The following ASMTL variants were observed in gnomAD, a reference collection of about 807,000 sequenced individuals.
ASMTL encodes probable bifunctional dTTP/UTP pyrophosphatase/methyltransferase protein.
ASMTL carries 57 observed loss-of-function variants against 60.3 expected under a neutral mutation model. The ratio of observed to expected loss-of-function variants is 0.95; its 90% confidence interval spans 0.76 to 1.18. The LOEUF is 1.18. ASMTL is among the 50% of genes most tolerant of loss of function. The probability of loss-of-function intolerance (pLI) is 0.00; values close to 1 mark genes in which losing one functional copy is unlikely to be tolerated. For missense variants in ASMTL, 981 were observed against 852.6 expected, an observed-to-expected ratio of 1.15 and a Z score of -1.88; for synonymous variants, 419 against 373.0, an observed-to-expected ratio of 1.12 and a Z score of -1.42.
intron 12 of ASMTL, among the ~76,000 whole-genome samples, chrX:1,404,010 C>T (rs758214135): frequency 3.1e-5 from 4 of 127,276 alleles, no homozygotes; most frequent in African/African-American, 1.2e-4. Context: ...ATAGATGGTA[C>T]ATGATGGGCA....
chrX:1,429,183 C>T (rs1431932010), intron 6 of ASMTL, among the ~76,000 whole-genome samples: 2 of 151,544 alleles, frequency 1.3e-5, no homozygotes, highest in African/African-American at 4.8e-5. Context: ...GTGTGAACCA[C>T]CACGTCTGGC....
intron 12 of ASMTL, among the ~76,000 whole-genome samples, chrX:1,410,479 A>C (rs2089968685): frequency 6.6e-6 from 1 of 150,508 alleles, no homozygotes; most frequent in Non-Finnish European, 1.5e-5. Flanking sequence ...CAGTGGCGCG[A>C]TCTCTGCTCA....
intron 12 of ASMTL, among the ~76,000 whole-genome samples, chrX:1,410,282 G>T (rs1178147769): frequency 2.7e-4 from 33 of 120,550 alleles, no homozygotes; most frequent in African/African-American, 1.0e-3. Context: ...GCCAAATGCT[G>T]GTACTCCCAA....
intron 1 of ASMTL, among the ~76,000 whole-genome samples, chrX:1,445,477 A>G (rs141396562): frequency 0.016 from 2,502 of 152,198 alleles, 30 homozygotes; most frequent in South Asian, 0.047. Context: ...ATGACAGCAG[A>G]TGGCCCGAAC....
Position 1,428,026 on chromosome X carries a change from T to G in ASMTL, c.605A>C (p.Asn202Thr), listed in dbSNP as rs1282382803. Reference protein sequence around the residue: ...DFLNVVGFPLNHFCKQLVKLY... With the variant: ...DFLNVVGFPLTHFCKQLVKLY... The stretch of plus-strand genomic sequence containing the variant: ...CTTCACCAGCTGCTTGCAGAAGTGG[T>G]TCAGCGGGAATCCCACCACGTTCAG... Residue 202 changes from asparagine to threonine, a missense_variant, in exon 7 of 13, where the codon AAC (asparagine) becomes ACC (threonine). Coordinates refer to ENST00000381317, the MANE Select transcript of ASMTL (RefSeq NM_004192.4). 6.2e-7 allele frequency: 1 copy of G among 1,613,558 alleles called. No individual in the cohort carries two copies. The highest frequency in any genetic ancestry group is 1.7e-5 in the Admixed American group (1 of 60,002).
At chrX:1,412,640 G>C in intron 12 of ASMTL, 92 bp downstream of exon 12, 1 of 1,565,406 alleles carries the variant, frequency 6.4e-7, no homozygotes, top group Non-Finnish European at 8.8e-7. Flanking sequence ...TGGGATGACA[G>C]GCGTGAGCCA....
At chrX:1,435,648 T>C in intron 4 of ASMTL, 46 bp downstream of exon 4, 3 of 1,596,402 alleles carry the variant, frequency 1.9e-6, no homozygotes, top group Non-Finnish European at 2.6e-6. Context: ...ACAGCTACTC[T>C]GTGGCTCAGA....
chrX:1,442,325 A>T lies in ASMTL; in HGVS notation c.94-8T>A. 1.2e-6 allele frequency: 2 copies of T among 1,613,766 alleles called. No individual in the cohort carries two copies. The highest frequency in any genetic ancestry group is 1.7e-6 in the Non-Finnish European group (2 of 1,179,804). ...CACCTCAAACCTGAGACCCTGCAAC[A>T]GTAGAAAAGGGGTCAGAAGGGTCAA... On this transcript the variant is annotated splice_region_variant and splice_polypyrimidine_tract_variant and intron_variant, in intron 1 of 12. Coordinates refer to ENST00000381317, the MANE Select transcript of ASMTL (RefSeq NM_004192.4).
chrX:1,445,260 C>CA (rs1337481787), intron 1 of ASMTL, among the ~76,000 whole-genome samples: 2 of 152,018 alleles, frequency 1.3e-5, no homozygotes, highest in African/African-American at 4.8e-5. Flanking sequence ...GGGTCTCTGT[C>CA]TTTTGTCTGG....
At chrX:1,411,258 C>T (rs1422478763) in intron 12 of ASMTL, among the ~76,000 whole-genome samples, 1 of 151,982 alleles carries the variant, frequency 6.6e-6, no homozygotes, top group East Asian at 1.9e-4. Context: ...GAATGGAAGT[C>T]TCTTGACCAT....
At chrX:1,445,346 C>G (rs1269133690) in intron 1 of ASMTL, among the ~76,000 whole-genome samples, 1 of 152,152 alleles carries the variant, frequency 6.6e-6, no homozygotes, top group Non-Finnish European at 1.5e-5. Flanking sequence ...CCCGACATTC[C>G]TATGTCCTCC....
At position 1,441,316 on chromosome X, in the gene ASMTL, G is replaced by A. The variant is rs560700551; in HGVS notation, c.225+870C>T. ...TTTGGAGACGAAGTCTTGCTCTGTT[G>A]CCTAAGTTGGAGTGCAGTGGGATGA... On this transcript the variant is annotated intron_variant, in intron 2 of 12. Coordinates refer to ENST00000381317, the MANE Select transcript of ASMTL (RefSeq NM_004192.4). Among the ~76,000 whole-genome samples the A allele has an allele frequency of 7.4e-4, 113 of 152,190 alleles. 1 individual carries two copies. Among genetic ancestry groups the A allele is most frequent in the African/African-American group, 2.6e-3 (107 of 41,530 alleles).
rs2090489909 is a variant in ASMTL, at chrX:1,421,770, A to G, written c.1133T>C (p.Met378Thr). The change falls in exon 9 of 13, where the codon ATG becomes ACG. Residue 378 changes from methionine (M) to threonine (T), a missense_variant. Transcript: ENST00000381317. ...GTTCCATGTGAGGTCATTATTGTGC[A>G]TGATGAAGCCGTGCAGAGAGTATTC... ...DGEYSLHGFIMHNNDLTWNLF... is the reference protein window; with the variant it reads ...DGEYSLHGFITHNNDLTWNLF... 3.7e-6 allele frequency: 6 copies of G among 1,613,902 alleles called. No homozygotes were observed. The highest frequency in any genetic ancestry group is 2.2e-5 in the East Asian group (1 of 44,882).
intron 2 of ASMTL, 84 bp downstream of exon 2, chrX:1,442,102 T>C (rs2091121655): frequency 1.3e-6 from 2 of 1,489,738 alleles, no homozygotes; most frequent in Non-Finnish European, 9.2e-7. Flanking sequence ...GACGTTTATT[T>C]GTGTCATGTA....
intron 12 of ASMTL, among the ~76,000 whole-genome samples, chrX:1,411,576 G>A (rs2090022316): frequency 6.6e-6 from 1 of 152,046 alleles, no homozygotes; most frequent in Admixed American, 6.6e-5. Flanking sequence ...GGTGCGTGCT[G>A]TGTGTGTGTG....
rs1177560291 is a variant in ASMTL at position 1,443,248 on chromosome X, G to T, written c.94-931C>A. 5.4e-4 allele frequency among the ~76,000 whole-genome samples: 6 copies of T among 11,134 alleles called. No individual in the cohort carries two copies. The Non-Finnish European group carries it at 0.014, about 27-fold the overall frequency. 7.3% of individuals were successfully genotyped at this position (11,134 alleles called of 152,430 possible). A position where few individuals can be genotyped will look rare whatever the true frequency, so the allele number is the denominator to read the frequency against. ...GTCGTGCACACACACCGCCGTCGTG[G>T]ACACACGCCGCCGTCTTGGACACAC... On this transcript the variant is annotated intron_variant, in intron 1 of 12. Coordinates refer to ENST00000381317, the MANE Select transcript of ASMTL (RefSeq NM_004192.4).
chrX:1,447,576 C>CCACCATCTTGGAGACA (rs1326020086), intron 1 of ASMTL, among the ~76,000 whole-genome samples: 2 of 149,934 alleles, frequency 1.3e-5, no homozygotes, highest in South Asian at 2.1e-4. Flanking sequence ...TGGATAAGCA[C>CCACCATCTTGGAGACA]CACCATCTTG....
chrX:1,421,941 C>T, intron 8 of ASMTL, 99 bp from the exon 9 acceptor site: 1 of 1,140,772 alleles, frequency 8.8e-7, no homozygotes, highest in Non-Finnish European at 1.3e-6. Context: ...TAAACATCAC[C>T]CATCTGACTA....
At chrX:1,432,234 G>C in intron 6 of ASMTL, 35 bp downstream of exon 6, 7 of 1,536,804 alleles carry the variant, frequency 4.6e-6, no homozygotes, top group African/African-American at 1.4e-5. Flanking sequence ...GCTTCCACAC[G>C]TGTCCCCCGT....
Sources: allele counts gnomAD v4.1 joint callset (sites outside exome capture counted in the v4.1 genomes callset), GRCh38; gene constraint gnomAD v4.1.1; transcripts MANE v1.5; gene names NCBI Gene and HGNC (gene_info 2026-07-23, HGNC 2026-07-21).